The following AIRE variants were observed in gnomAD, a reference collection of about 807,000 sequenced individuals.
The protein encoded by AIRE is autoimmune regulator, also known as autoimmune polyendocrinopathy candidiasis ectodermal dystrophy protein.
In AIRE, 52 loss-of-function variants were observed where a neutral mutation model predicts 62.1. The observed-to-expected ratio is 0.84, with a 90% CI of 0.67 to 1.06. AIRE has a LOEUF of 1.06. Among genes scored for constraint, AIRE ranks in the 50% least tolerant of loss-of-function variants. The pLI is 0.00. For synonymous variants in AIRE, 342 were observed against 321.6 expected (o/e 1.06, Z -0.68); for missense variants, 774 against 755.8 (o/e 1.02, Z -0.28).
At chr21:44,288,588 T>C in intron 5 of AIRE, 130 bp downstream of exon 5, 1 of 685,904 alleles carries the variant, frequency 1.5e-6, no homozygotes. Context: ...CCAGAGTTTC[T>C]GCCTGTGGTT....
rs1236766026 is a variant in AIRE, at chr21:44,286,535, C to T, written c.133-22C>T. 6.2e-7 allele frequency: 1 copy of T among 1,600,932 alleles called. No homozygotes were observed. The highest frequency in any genetic ancestry group is 1.1e-5 in the South Asian group (1 of 90,376). On this transcript the variant is annotated intron_variant, in intron 1 of 13. Coordinates refer to ENST00000291582, the MANE Select transcript of AIRE (RefSeq NM_000383.4). This position sits in a 1 kb window ranked among gnomAD's most constrained non-coding sequence, Gnocchi z 6.0. ...AGGGTGTGGGGGACCATGGCAGGGA[C>T]CCTCATGCCACCCCACTGCAGGAGA...
chr21:44,286,063 G>T lies in AIRE; in HGVS notation c.57G>T (p.Ala19=). ...RLLRLHRTEI[A]VAVDSAFPLL... ...TGAGGCTGCACCGCACGGAGATCGCGGTGGCCGTGGACAGCGCCTTCCCAC... is the reference window on the plus strand; with the variant it reads ...TGAGGCTGCACCGCACGGAGATCGCTGTGGCCGTGGACAGCGCCTTCCCAC... Residue 19 remains alanine (A), a synonymous_variant, in exon 1 of 14, where the codon GCG becomes GCT. Transcript: ENST00000291582. The surrounding 1 kb of genome is among the most constrained non-coding windows in gnomAD (Gnocchi z 6.0). 1.3e-6 allele frequency: 2 copies of T among 1,542,246 alleles called. No individual in the cohort carries two copies. The highest frequency in any genetic ancestry group is 8.7e-7 in the Non-Finnish European group (1 of 1,145,968).
chr21:44,293,843 C>G lies in AIRE; in HGVS notation c.1333C>G (p.Arg445Gly). 6.3e-7 allele frequency: 1 copy of G among 1,596,992 alleles called. No individual in the cohort carries two copies. The highest frequency in any genetic ancestry group is 8.5e-7 in the Non-Finnish European group (1 of 1,179,592). Residue 445 changes from arginine (R) to glycine (G), a missense_variant, in exon 11 of 14, where the codon CGG (arginine) becomes GGG (glycine). Around this residue, in one of 3 missense-constraint regions of AIRE, gnomAD observed 354 missense variants for 296.1 expected, o/e 1.20. Transcript: ENST00000291582. ...GVCGDGTDVL[R>G]CTHCAAAFHW... is the part of the protein sequence containing the mutation. ...GTGCGGAGATGGTACGGACGTGCTG[C>G]GGTGTACTCACTGCGCCGCTGCCTT...
At chr21:44,296,183 C>T (rs1196120085) in intron 12 of AIRE, among the ~76,000 whole-genome samples, 200 bp from the exon 13 acceptor site, 3 of 152,128 alleles carry the variant, frequency 2.0e-5, no homozygotes, top group East Asian at 1.9e-4. Flanking sequence ...GGCAGCTGGC[C>T]GTGGGCAGGA....
At chr21:44,291,995 C>T (rs1053672491) in intron 8 of AIRE, among the ~76,000 whole-genome samples, 1 of 152,178 alleles carries the variant, frequency 6.6e-6, no homozygotes, top group Non-Finnish European at 1.5e-5. Flanking sequence ...TTAGGGAGGC[C>T]CCCGGCAGGG....
rs527634594 is a variant in AIRE, at chr21:44,288,227, C to T, written c.539-118C>T. ...TGGCAGGGCTGGGTCCCCTCCTTGG[C>T]CTGCCCTGGCTGGAAGGAAAGGGCT... On this transcript the variant is annotated intron_variant, in intron 4 of 13. Coordinates refer to ENST00000291582, the MANE Select transcript of AIRE (RefSeq NM_000383.4). 114 of 859,534 alleles carry T rather than the reference C, an allele frequency of 1.3e-4. No homozygotes were observed. In the East Asian group the frequency reaches 2.8e-3, roughly 21 times the overall value. 53.2% of individuals were successfully genotyped at this position (859,534 alleles called of 1,614,324 possible).
intron 7 of AIRE, chr21:44,290,269 A>C: frequency 1.0e-6 from 1 of 985,382 alleles, no homozygotes; most frequent in Non-Finnish European, 1.2e-6. Flanking sequence ...TGAGTCAGAG[A>C]AAGTGAGGTC....
In AIRE at chr21:44,286,828, C is replaced by T; in HGVS notation, c.307+97C>T. On this transcript the variant is annotated intron_variant, in intron 2 of 13. Transcript: ENST00000291582. This position sits in a 1 kb window ranked among gnomAD's most constrained non-coding sequence, Gnocchi z 6.0. ...TGGAACCGGAGTGGTGTTTGAGGAG[C>T]CCGTGGGTGATGTTCCAGGACCGTC... is the stretch of plus-strand genomic sequence containing the variant. 4 of 1,564,646 alleles carry T rather than the reference C, an allele frequency of 2.6e-6. No homozygotes were observed. The highest frequency in any genetic ancestry group is 1.4e-5 in the African/African-American group (1 of 73,886).
intron 10 of AIRE, 35 bp from the exon 11 acceptor site, chr21:44,293,754 C>A (rs757096478): frequency 6.3e-7 from 1 of 1,595,028 alleles, no homozygotes; most frequent in Non-Finnish European, 8.5e-7. Context: ...TTTCCCCCGG[C>A]CCCCCGCGTC....
intron 13 of AIRE, among the ~76,000 whole-genome samples, chr21:44,296,664 CG>C (rs1294684037): frequency 2.7e-5 from 4 of 150,904 alleles, no homozygotes; most frequent in Non-Finnish European, 4.4e-5. Context: ...GAGCCCCCCC[CG>C]GCCCCTCCCC....
intron 7 of AIRE, chr21:44,290,804 T>G: frequency 6.6e-7 from 1 of 1,521,242 alleles, no homozygotes; most frequent in Admixed American, 1.8e-5. Flanking sequence ...TGAGGAAGGG[T>G]TCATGTGGTT....
At chr21:44,293,553 G>T (rs1428622871) in intron 10 of AIRE, among the ~76,000 whole-genome samples, 1 of 152,100 alleles carries the variant, frequency 6.6e-6, no homozygotes, top group Non-Finnish European at 1.5e-5. Flanking sequence ...GGAGAGAGGT[G>T]CGGGCGCCAG....
chr21:44,289,139 T>G, intron 5 of AIRE: 1 of 169,096 alleles, frequency 5.9e-6, no homozygotes, highest in South Asian at 1.6e-4. Context: ...CTGGGAGGCT[T>G]GAAATGACAG....
At chr21:44,289,861 GC>G in intron 6 of AIRE, 59 bp downstream of exon 6, 1 of 1,610,616 alleles carries the variant, frequency 6.2e-7, no homozygotes. Context: ...CCCAGGAACA[GC>G]GTTGCCTCTG....
chr21:44,290,045 C>A lies in AIRE; in HGVS notation c.856C>A (p.Pro286Thr). 1 of 1,612,082 alleles carries A rather than the reference C, an allele frequency of 6.2e-7. No individual in the cohort carries two copies. Among genetic ancestry groups the A allele is most frequent in the East Asian group, 2.2e-5 (1 of 44,856 alleles). ...QGSVPAPLAL[P>T]SDPQLHQKNE... The stretch of plus-strand genomic sequence containing the variant: ...CAGCGTTCCCGCCCCTCTGGCCCTC[C>A]CCAGTGACCCCCAGCTCCACCAGGT... Residue 286 changes from proline (P) to threonine (T), a missense_variant, in exon 7 of 14, where the codon CCC (proline) becomes ACC (threonine). Coordinates refer to ENST00000291582, the MANE Select transcript of AIRE (RefSeq NM_000383.4).
chr21:44,291,377 G>A (rs1317289428), intron 8 of AIRE, among the ~76,000 whole-genome samples, 167 bp downstream of exon 8: 1 of 152,174 alleles, frequency 6.6e-6, no homozygotes, highest in Non-Finnish European at 1.5e-5. Context: ...TTCCCACCCT[G>A]CCACCTGCCT....
At position 44,293,873 on chromosome 21, in the gene AIRE, T is replaced by A; in HGVS notation, c.1363T>A (p.Trp455Arg). ...RCTHCAAAFH[W>R]RCHFPAGTSR... is the part of the protein sequence containing the mutation. ...TACTCACTGCGCCGCTGCCTTCCAC[T>A]GGCGCTGCCACTTCCCAGCCGGCAC... Residue 455 changes from tryptophan to arginine, a missense_variant, in exon 11 of 14, where the codon TGG becomes AGG. This residue lies in a region of AIRE where 354 missense variants were observed against 296.1 expected (regional missense o/e 1.20). Coordinates refer to ENST00000291582, the MANE Select transcript of AIRE (RefSeq NM_000383.4). The A allele has an allele frequency of 6.3e-7, 1 of 1,596,460 alleles. No homozygotes were observed. The highest frequency in any genetic ancestry group is 8.5e-7 in the Non-Finnish European group (1 of 1,179,464).
At chr21:44,289,589 G>T in intron 5 of AIRE, 68 bp from the exon 6 acceptor site, 1 of 1,602,112 alleles carries the variant, frequency 6.2e-7, no homozygotes, top group Non-Finnish European at 8.5e-7. Context: ...CCACCCTGGG[G>T]CCTACACGAC....
chr21:44,290,288 C>G (rs977101988), intron 7 of AIRE: 1 of 985,330 alleles, frequency 1.0e-6, no homozygotes, highest in African/African-American at 1.7e-5. Flanking sequence ...TCTTCTCAGG[C>G]TCTTAAGAGC....
Sources: allele counts gnomAD v4.1 joint callset (sites outside exome capture counted in the v4.1 genomes callset), GRCh38; gene constraint gnomAD v4.1.1; regional missense constraint gnomAD v4.1.1; non-coding constraint Gnocchi (gnomAD v3.1); transcripts MANE v1.5; gene names NCBI Gene and HGNC (gene_info 2026-07-23, HGNC 2026-07-21).